ATP9A: variants seen among roughly 807,000 people sequenced by gnomAD.
ATP9A encodes the protein probable phospholipid-transporting ATPase IIA.
In ATP9A, 52 loss-of-function variants were observed where a neutral mutation model predicts 144.1. That is an observed-to-expected ratio of 0.36 (90% CI 0.29 to 0.45). The LOEUF (loss-of-function observed/expected upper bound fraction) is 0.45. Among genes scored for constraint, ATP9A ranks in the 20% least tolerant of loss-of-function variants. ATP9A has a pLI of 1.00. For missense variants in ATP9A, 947 were observed against 1,392.7 expected (o/e 0.68, Z 5.09); for synonymous variants, 582 against 557.4 (o/e 1.04, Z -0.62).
rs753862871 is a variant in ATP9A, at chr20:51,604,947, G to A, written c.2877C>T (p.Thr959=). The part of the protein sequence containing the change: ...EFVHIVAISF[T]SLILTELLMV... ...TGAGCAGCTCGGTGAGGATCAGCGAGGTGAAGGAGATGGCCACGATGTGCA... is the reference window on the plus strand; with the variant it reads ...TGAGCAGCTCGGTGAGGATCAGCGAAGTGAAGGAGATGGCCACGATGTGCA... Residue 959 remains threonine (T), a synonymous_variant, in exon 27 of 28, where the codon ACC becomes ACT. Coordinates refer to ENST00000338821, the MANE Select transcript of ATP9A (RefSeq NM_006045.3). 6.2e-7 allele frequency: 1 copy of A among 1,613,450 alleles called. No individual in the cohort carries two copies. The highest frequency in any genetic ancestry group is 8.5e-7 in the Non-Finnish European group (1 of 1,179,730).
chr20:51,759,354 AC>A (rs1293372865), intron 1 of ATP9A, among the ~76,000 whole-genome samples: 2 of 152,138 alleles, frequency 1.3e-5, no homozygotes, highest in African/African-American at 4.8e-5. Context: ...TACTCCCTCC[AC>A]CACATCAAAG....
At chr20:51,767,924 T>C (rs1568853523) in intron 1 of ATP9A, among the ~76,000 whole-genome samples, 1 of 152,266 alleles carries the variant, frequency 6.6e-6, no homozygotes, top group South Asian at 2.1e-4. Flanking sequence ...ACTGACCAAA[T>C]TGTTACCTCA....
chr20:51,712,644 C>T (rs1208915818), intron 4 of ATP9A, among the ~76,000 whole-genome samples: 2 of 152,214 alleles, frequency 1.3e-5, no homozygotes, highest in Admixed American at 6.5e-5. Flanking sequence ...CCCTACTTCC[C>T]TCTTCAGCCA....
At chr20:51,753,793 A>G (rs562877810) in intron 1 of ATP9A, among the ~76,000 whole-genome samples, 224 of 150,762 alleles carry the variant, frequency 1.5e-3, no homozygotes, top group Non-Finnish European at 2.4e-3. Context: ...CAGCCTCCCA[A>G]GTAGCTGGGA....
At chr20:51,700,583 C>A (rs1455099319) in intron 4 of ATP9A, among the ~76,000 whole-genome samples, 3 of 152,236 alleles carry the variant, frequency 2.0e-5, no homozygotes, top group Non-Finnish European at 4.4e-5. Flanking sequence ...GCAATCCCAA[C>A]ACTTTGGGAG....
At chr20:51,652,849 C>T (rs2077372059) in intron 14 of ATP9A, among the ~76,000 whole-genome samples, 1 of 152,050 alleles carries the variant, frequency 6.6e-6, no homozygotes, top group African/African-American at 2.4e-5. Context: ...TGGCTCACGC[C>T]TGTAATCCCA....
At chr20:51,625,162 G>C in intron 18 of ATP9A, 30 bp downstream of exon 18, 2 of 1,589,418 alleles carry the variant, frequency 1.3e-6, no homozygotes, top group East Asian at 2.2e-5. Context: ...TTGCCCTGGA[G>C]TGCCCTTCCC....
intron 3 of ATP9A, among the ~76,000 whole-genome samples, chr20:51,713,314 C>CCA (rs1267954737): frequency 3.9e-5 from 6 of 152,032 alleles, no homozygotes; most frequent in Non-Finnish European, 7.4e-5. Context: ...ACACTCACTG[C>CCA]CACACACACA....
Position 51,674,278 on chromosome 20 carries a change from G to A in ATP9A, c.912C>T (p.Thr304=). 1 of 1,613,750 alleles carries A rather than the reference G, an allele frequency of 6.2e-7. No individual in the cohort carries two copies. The highest frequency in any genetic ancestry group is 1.1e-5 in the South Asian group (1 of 91,058). ...GLFDLEVNCL[T]KILFGALVVV... Reference sequence around the variant, plus strand: ...CCACCAGGGCACCAAAGAGGATCTTGGTGAGGCAGTTCACTTCCAAGTCGA... The same window carrying A: ...CCACCAGGGCACCAAAGAGGATCTTAGTGAGGCAGTTCACTTCCAAGTCGA... The change falls in exon 11 of 28, where the codon ACC becomes ACT. Residue 304 remains threonine (T), a synonymous_variant. Transcript: ENST00000338821.
intron 5 of ATP9A, among the ~76,000 whole-genome samples, chr20:51,696,779 C>T (rs1014208296): frequency 6.6e-6 from 1 of 152,142 alleles, no homozygotes; most frequent in Non-Finnish European, 1.5e-5. Flanking sequence ...AAGAGCATAG[C>T]TCAATTTCTA....
At chr20:51,767,890 T>G (rs1454636918) in intron 1 of ATP9A, among the ~76,000 whole-genome samples, 1 of 152,166 alleles carries the variant, frequency 6.6e-6, no homozygotes, top group Non-Finnish European at 1.5e-5. Context: ...CGAGTAATGC[T>G]CCAAGCGCAG....
intron 9 of ATP9A, 116 bp downstream of exon 9, chr20:51,688,948 G>C: frequency 8.7e-7 from 1 of 1,151,294 alleles, no homozygotes; most frequent in Non-Finnish European, 1.3e-6. Flanking sequence ...GGAACAAGTG[G>C]AAAATGCCAT....
intron 1 of ATP9A, chr20:51,734,714 C>T: frequency 5.5e-6 from 1 of 182,928 alleles, no homozygotes; most frequent in South Asian, 1.1e-4. Context: ...AGTGGGTGAA[C>T]CCCAAGTTCC....
chr20:51,731,423 A>G (rs2077740670), intron 1 of ATP9A, among the ~76,000 whole-genome samples: 1 of 152,028 alleles, frequency 6.6e-6, no homozygotes, highest in African/African-American at 2.4e-5. Context: ...TTCACAGATA[A>G]GAGAGAAGCT....
intron 9 of ATP9A, 49 bp downstream of exon 9, chr20:51,689,015 T>A: frequency 6.4e-7 from 1 of 1,564,882 alleles, no homozygotes; most frequent in Non-Finnish European, 8.8e-7. Flanking sequence ...ACAAAAGGAT[T>A]TTCTTTCCTT....
intron 1 of ATP9A, among the ~76,000 whole-genome samples, chr20:51,767,197 CCA>C: frequency 6.6e-6 from 1 of 152,188 alleles, no homozygotes. Flanking sequence ...CGGGAAATGC[CCA>C]GAGAGGACCA....
At chr20:51,647,652 C>T (rs1379105339) in intron 14 of ATP9A, among the ~76,000 whole-genome samples, 1 of 152,172 alleles carries the variant, frequency 6.6e-6, no homozygotes, top group Admixed American at 6.5e-5. Context: ...ATAGCTGGAA[C>T]CCAGGAGGCG....
chr20:51,662,767 T>C (rs925068990), intron 13 of ATP9A, among the ~76,000 whole-genome samples: 6 of 151,842 alleles, frequency 4.0e-5, no homozygotes, highest in African/African-American at 1.5e-4. Flanking sequence ...GAATAACCAA[T>C]AAAGATTTTT....
At chr20:51,753,481 C>A (rs1287925348) in intron 1 of ATP9A, among the ~76,000 whole-genome samples, 26 of 142,672 alleles carry the variant, frequency 1.8e-4, no homozygotes, top group African/African-American at 7.2e-4. Flanking sequence ...ACAACAACAA[C>A]AACAACAAAC....
Sources: gnomAD v4.1 joint callset for allele counts (sites outside exome capture counted in the v4.1 genomes callset) on GRCh38, gnomAD v4.1.1 for gene constraint, MANE v1.5 for transcripts, NCBI Gene and HGNC (gene_info 2026-07-23, HGNC 2026-07-21) for gene names.